The following MX2 variants were observed in gnomAD, a reference collection of about 807,000 sequenced individuals.
MX2 encodes interferon-induced GTP-binding protein Mx2.
Under a neutral mutation model 74.0 loss-of-function variants are expected in MX2, and 51 were observed. That is an observed-to-expected ratio of 0.69 (90% CI 0.55 to 0.87). The LOEUF (loss-of-function observed/expected upper bound fraction) is 0.87, where lower values mean the gene tolerates loss of function less well. Ranked by LOEUF, MX2 falls within the 40% of genes least tolerant of loss-of-function variation. MX2 has a pLI of 0.00. For missense variants in MX2, 832 were observed against 908.7 expected, an observed-to-expected ratio of 0.92 and a Z score of 1.09; for synonymous variants, 369 against 339.3, an observed-to-expected ratio of 1.09 and a Z score of -0.96.
chr21:41,374,121 A>G (rs1185996626), intron 1 of MX2: 2 of 152,362 alleles, frequency 1.3e-5, no homozygotes, highest in African/African-American at 4.8e-5. Flanking sequence ...ACAAGTGCTT[A>G]TAAGATGTAA....
rs768338740 is a variant in MX2 at position 41,380,130 on chromosome 21, G to A, written c.556G>A (p.Val186Met). The A allele has an allele frequency of 6.2e-7, 1 of 1,613,766 alleles. No individual in the cohort carries two copies. The highest frequency in any genetic ancestry group is 1.1e-5 in the South Asian group (1 of 91,080). Residue 186 changes from valine (V) to methionine (M), a missense_variant, in exon 4 of 14, where the codon GTG (valine) becomes ATG (methionine). Transcript: ENST00000330714. This position sits in a 1 kb window ranked among gnomAD's most constrained non-coding sequence, Gnocchi z 4.3. ...TELELQDPGQ[V>M]EKEIHKAQNV... ...GCTAGAGCTTCAGGACCCTGGCCAG[G>A]TGGAGAAAGAGATACACAAAGGTGG... is the stretch of plus-strand genomic sequence containing the variant.
In MX2 at chr21:41,388,721, C is replaced by T. The variant is rs1035386428; in HGVS notation, c.733-1844C>T. Among the ~76,000 whole-genome samples, 3 of 152,154 alleles carry T rather than the reference C, an allele frequency of 2.0e-5. No homozygotes were observed. The highest frequency in any genetic ancestry group is 7.2e-5 in the African/African-American group (3 of 41,426). On this transcript the variant is annotated intron_variant, in intron 5 of 13. Transcript: ENST00000330714. This position sits in a 1 kb window ranked among gnomAD's most constrained non-coding sequence, Gnocchi z 4.0. ...TCACCCCCTCTCCAGGCAAACTGTTCCGGGGAGCATTTTCACTCTCTGATA... is the reference window on the plus strand; with the variant it reads ...TCACCCCCTCTCCAGGCAAACTGTTTCGGGGAGCATTTTCACTCTCTGATA...
intron 6 of MX2, among the ~76,000 whole-genome samples, chr21:41,393,110 C>CAAAAAAAAAAAAAAAAAAAAAAAAAAAAA (rs373955778): frequency 1.7e-5 from 1 of 60,090 alleles, no homozygotes; most frequent in African/African-American, 5.0e-5. Context: ...CTCAAAAAAG[C>CAAAAAAAAAAAAAAAAAAAAAAAAAAAAA]AAAAAAAAAA....
chr21:41,398,752 C>T, intron 8 of MX2, 145 bp from the exon 9 acceptor site: 8 of 1,148,872 alleles, frequency 7.0e-6, no homozygotes, highest in Non-Finnish European at 9.7e-6. Flanking sequence ...CACATGTAAT[C>T]CCAGCACTTT....
intron 12 of MX2, chr21:41,403,605 G>A (rs759909193): frequency 8.6e-6 from 6 of 696,596 alleles, no homozygotes; most frequent in East Asian, 3.0e-5. Flanking sequence ...ACGACCTTAC[G>A]CAGGATGTGG....
At chr21:41,375,850 T>C (rs1358125767) in intron 1 of MX2, among the ~76,000 whole-genome samples, 1 of 152,194 alleles carries the variant, frequency 6.6e-6, no homozygotes, top group East Asian at 1.9e-4. Context: ...GAAAGGGGGA[T>C]ACAGTGTGAT....
chr21:41,379,349 G>A (rs1007968420), intron 3 of MX2, among the ~76,000 whole-genome samples: 4 of 152,206 alleles, frequency 2.6e-5, no homozygotes, highest in Admixed American at 1.3e-4. Context: ...TTCACGGCAG[G>A]AGCGTGAGGG....
chr21:41,405,258 CAAAAAGAAAAAA>C (rs918641067), intron 12 of MX2, among the ~76,000 whole-genome samples: 2 of 146,492 alleles, frequency 1.4e-5, no homozygotes, highest in African/African-American at 5.1e-5. Context: ...GACTCCATCT[CAAAAAGAAAAAA>C]AAAAAAGAAA....
chr21:41,384,609 C>T (rs191611681), intron 5 of MX2, among the ~76,000 whole-genome samples: 73 of 152,278 alleles, frequency 4.8e-4, no homozygotes, highest in Non-Finnish European at 8.8e-4. Flanking sequence ...TTATGATGCA[C>T]GTTGTACAGT....
At chr21:41,397,806 C>A in intron 8 of MX2, 115 bp downstream of exon 8, 1 of 802,766 alleles carries the variant, frequency 1.2e-6, no homozygotes, top group East Asian at 2.7e-5. Flanking sequence ...AACAAGTACC[C>A]TCTGAACACT....
In MX2 at chr21:41,388,248, T is replaced by A. The variant is rs1315462094; in HGVS notation, c.733-2317T>A. Among the ~76,000 whole-genome samples the A allele has an allele frequency of 6.6e-6, 1 of 152,182 alleles. No individual in the cohort carries two copies. Among genetic ancestry groups the A allele is most frequent in the Non-Finnish European group, 1.5e-5 (1 of 68,026 alleles). On this transcript the variant is annotated intron_variant, in intron 5 of 13. Transcript: ENST00000330714. This position sits in a 1 kb window ranked among gnomAD's most constrained non-coding sequence, Gnocchi z 4.0. ...CAGTGTAAAATTCCAAGGTCCCATG[T>A]GATCCAATCCCCCTACTTCATGGAC...
chr21:41,385,997 A>G (rs1363517657), intron 5 of MX2, among the ~76,000 whole-genome samples: 1 of 152,054 alleles, frequency 6.6e-6, no homozygotes, highest in Non-Finnish European at 1.5e-5. Flanking sequence ...GATTTGTTAA[A>G]AAAAATACAA....
At position 41,377,164 on chromosome 21, in the gene MX2, G is replaced by C. The variant is rs7281331; in HGVS notation, c.249+9G>C. The C allele has an allele frequency of 6.2e-7, 1 of 1,613,198 alleles. No homozygotes were observed. Among genetic ancestry groups the C allele is most frequent in the African/African-American group, 1.3e-5 (1 of 74,860 alleles). ...GCCAACCAAGGGCAATGGTAAGCCC[G>C]GTGGAGGGACGTTCAGAAAGGGTGC... On this transcript the variant is annotated intron_variant, in intron 2 of 13. Transcript: ENST00000330714.
intron 4 of MX2, among the ~76,000 whole-genome samples, chr21:41,381,032 G>A (rs1376013800): frequency 1.1e-4 from 16 of 152,202 alleles, no homozygotes; most frequent in African/African-American, 3.9e-4. Flanking sequence ...CCCTTTAGAC[G>A]ACCCTGTGGG....
In MX2 at chr21:41,408,020, C is replaced by A. The variant is rs376797896; in HGVS notation, c.1935C>A (p.Ile645=). Residue 645 remains isoleucine (I), a synonymous_variant, in exon 14 of 14, where the codon ATC becomes ATA. Coordinates refer to ENST00000330714, the MANE Select transcript of MX2 (RefSeq NM_002463.2). The part of the protein sequence containing the change: ...LETSKRLANQ[I]PFIIQYFMLR... ...CCAGCAAACGTCTCGCCAACCAGAT[C>A]CCATTTATAATTCAGTATTTTATGC... The A allele has an allele frequency of 6.2e-7, 1 of 1,614,170 alleles. No homozygotes were observed. The highest frequency in any genetic ancestry group is 1.1e-5 in the South Asian group (1 of 91,078).
intron 4 of MX2, among the ~76,000 whole-genome samples, chr21:41,381,684 CAAAAAAAAAAAA>C (rs57350601): frequency 3.4e-5 from 2 of 58,444 alleles, no homozygotes; most frequent in South Asian, 6.5e-4. Flanking sequence ...GACTCTGTCT[CAAAAAAAAAAAA>C]AAAAAAAAAA....
rs1414341038 is a variant in MX2, at chr21:41,368,225, G to A, written c.-72+6170G>A. On this transcript the variant is annotated intron_variant, in intron 1 of 13. Transcript: ENST00000330714. The surrounding 1 kb of genome is among the most constrained non-coding windows in gnomAD (Gnocchi z 4.6). Reference sequence around the variant, plus strand: ...TCTGTGCATAGCCCAAGTCCCACCTGTCCATGTGTCACCCGGCTCTTCCGT... The same window carrying A: ...TCTGTGCATAGCCCAAGTCCCACCTATCCATGTGTCACCCGGCTCTTCCGT... Among the ~76,000 whole-genome samples the A allele has an allele frequency of 6.6e-6, 1 of 152,124 alleles. No homozygotes were observed. Among genetic ancestry groups the A allele is most frequent in the African/African-American group, 2.4e-5 (1 of 41,418 alleles).
At chr21:41,390,833 G>A (rs553125287) in intron 6 of MX2, 130 bp downstream of exon 6, 68 of 1,019,266 alleles carry the variant, frequency 6.7e-5, no homozygotes, top group East Asian at 8.3e-5. Flanking sequence ...GTGAAACCTC[G>A]TCTCCACTAA....
Position 41,376,111 on chromosome 21 carries a change from G to A in MX2, c.-71-725G>A, listed in dbSNP as rs917455825. Among the ~76,000 whole-genome samples the A allele has an allele frequency of 3.3e-5, 5 of 152,182 alleles. No homozygotes were observed. The South Asian group carries it at 6.2e-4, about 19-fold the overall frequency. On this transcript the variant is annotated intron_variant, in intron 1 of 13. Coordinates refer to ENST00000330714, the MANE Select transcript of MX2 (RefSeq NM_002463.2). Reference sequence around the variant, plus strand: ...CTCCCCTGGTGCCTGGCCAAGCCCGGGTGTGAGGCCAGGTCTGGCTTCCAG... The same window carrying A: ...CTCCCCTGGTGCCTGGCCAAGCCCGAGTGTGAGGCCAGGTCTGGCTTCCAG...
Sources: gnomAD v4.1 joint callset for allele counts (sites outside exome capture counted in the v4.1 genomes callset) on GRCh38, gnomAD v4.1.1 for gene constraint, Gnocchi (gnomAD v3.1) non-coding constraint, MANE v1.5 for transcripts, NCBI Gene and HGNC (gene_info 2026-07-23, HGNC 2026-07-21) for gene names.